Variants in TSR1 observed in about 807,000 individuals in gnomAD.
TSR1 encodes the protein pre-rRNA-processing protein TSR1 homolog.
Under a neutral mutation model 90.9 loss-of-function variants are expected in TSR1, and 81 were observed. That is an observed-to-expected ratio of 0.89 (90% CI 0.74 to 1.07). TSR1 has a LOEUF of 1.07. Among genes scored for constraint, TSR1 ranks in the 50% least tolerant of loss-of-function variants. TSR1 has a pLI of 0.00. For missense variants in TSR1, 989 were observed against 987.3 expected (o/e 1.00, Z -0.02); for synonymous variants, 362 against 348.8 (o/e 1.04, Z -0.42).
At chr17:2,331,602 T>C (rs1425738689) in intron 8 of TSR1, among the ~76,000 whole-genome samples, 1 of 152,196 alleles carries the variant, frequency 6.6e-6, no homozygotes, top group Non-Finnish European at 1.5e-5. Flanking sequence ...GTAAGTTTCT[T>C]GAGGACACCC....
chr17:2,324,257 T>G lies in TSR1; in HGVS notation c.2354A>C (p.Glu785Ala). 6.5e-7 allele frequency: 1 copy of G among 1,545,552 alleles called. No homozygotes were observed. The highest frequency in any genetic ancestry group is 8.7e-7 in the Non-Finnish European group (1 of 1,151,820). Residue 785 changes from glutamate to alanine, a missense_variant, in exon 15 of 15, where the codon GAA (glutamate) becomes GCA (alanine). Coordinates refer to ENST00000301364, the MANE Select transcript of TSR1 (RefSeq NM_018128.5). ...PKWTYDPYVP[E>A]PVPWLKSEIS... ...CTCACTTTTCAGCCAGGGTACTGGT[T>G]CTGGTACATATGGATCATAAGTCCA...
At chr17:2,325,161 T>C (rs757025191) in intron 12 of TSR1, 143 bp downstream of exon 12, 5 of 677,330 alleles carry the variant, frequency 7.4e-6, no homozygotes, top group Non-Finnish European at 1.2e-5. Flanking sequence ...CTATTAACAA[T>C]GTTAAATGAA....
At position 2,325,392 on chromosome 17, in the gene TSR1, C is replaced by T. The variant is rs552483770; in HGVS notation, c.1932G>A (p.Leu644=). Residue 644 remains leucine, a synonymous_variant, in exon 12 of 15, where the codon CTG becomes CTA. Coordinates refer to ENST00000301364, the MANE Select transcript of TSR1 (RefSeq NM_018128.5). Reference sequence around the variant, plus strand: ...TCGCCACCAGGGCCATGTCAGCAGTCAGGAATCTCTGCAATTTATGTTTGT... The same window carrying T: ...TCGCCACCAGGGCCATGTCAGCAGTTAGGAATCTCTGCAATTTATGTTTGT... ...AADKHKLQRF[L]TADMALVATV... is the part of the protein sequence containing the mutation. The T allele has an allele frequency of 2.5e-6, 4 of 1,612,830 alleles. No homozygotes were observed. The South Asian group carries it at 3.3e-5, about 13-fold the overall frequency.
chr17:2,324,072 C>T lies in TSR1; in HGVS notation c.*124G>A, dbSNP rs866264166. The T allele has an allele frequency of 4.4e-6, 6 of 1,370,396 alleles. No individual in the cohort carries two copies. In the South Asian group the frequency reaches 8.8e-5, roughly 20 times the overall value. 84.9% of individuals were successfully genotyped at this position (1,370,396 alleles called of 1,614,324 possible). A position where few individuals can be genotyped will look rare whatever the true frequency, so the allele number is the denominator to read the frequency against. On this transcript the variant is annotated 3_prime_UTR_variant, in exon 15 of 15. Coordinates refer to ENST00000301364, the MANE Select transcript of TSR1 (RefSeq NM_018128.5). The stretch of plus-strand genomic sequence containing the variant: ...CATTTTGTCAAGGCTAAAAAAAAGT[C>T]TTGCAAAATGGGGCAGTGGACTGAC...
At chr17:2,325,266 G>A in intron 12 of TSR1, 38 bp downstream of exon 12, 2 of 1,455,000 alleles carry the variant, frequency 1.4e-6, no homozygotes, top group South Asian at 1.2e-5. Context: ...ATCTATTAAG[G>A]ACCTGCAGGG....
rs973723049 is a variant in TSR1 at position 2,335,307 on chromosome 17, C to A, written c.509G>T (p.Gly170Val). ...LDPLEGWDST[G>V]DYCLSCLFAQ... is the part of the protein sequence containing the mutation. ...AAAGAGGCAGGAAAGACAGTAATCA[C>A]CGGTGCTGTCCCAGCCTTCTAGTGG... The change falls in exon 4 of 15, where the codon GGT (glycine) becomes GTT (valine). Residue 170 changes from glycine (G) to valine (V), a missense_variant. By Grantham distance (109) the Gly-to-Val change is moderately radical. Coordinates refer to ENST00000301364, the MANE Select transcript of TSR1 (RefSeq NM_018128.5). 1 of 1,614,086 alleles carries A rather than the reference C, an allele frequency of 6.2e-7. No homozygotes were observed. Among genetic ancestry groups the A allele is most frequent in the Non-Finnish European group, 8.5e-7 (1 of 1,180,028 alleles).
chr17:2,329,249 A>G, intron 11 of TSR1, 94 bp downstream of exon 11: 1 of 1,567,584 alleles, frequency 6.4e-7, no homozygotes, highest in Non-Finnish European at 8.8e-7. Context: ...CCAGAGATGT[A>G]AGATTTTGAA....
Position 2,333,139 on chromosome 17 carries a change from AC to A in TSR1, c.1142-16del. On this transcript the variant is annotated splice_polypyrimidine_tract_variant and intron_variant, in intron 6 of 14. Transcript: ENST00000301364. ...CTTCAAGAAATCTGTAAAAGCCCAA[AC>A]AAATTAAGTAAATTACAGACTTCTT... The A allele has an allele frequency of 6.2e-7, 1 of 1,612,682 alleles. No homozygotes were observed. Among genetic ancestry groups the A allele is most frequent in the Admixed American group, 1.7e-5 (1 of 59,840 alleles).
chr17:2,333,380 T>C (rs2151441619), intron 6 of TSR1, 177 bp downstream of exon 6: 1 of 925,118 alleles, frequency 1.1e-6, no homozygotes, highest in Non-Finnish European at 1.7e-6. Context: ...TTTTGAGAAA[T>C]GGAACAAGAC....
Position 2,324,670 on chromosome 17 carries a change from C to T in TSR1, c.2161+19G>A. 6.2e-7 allele frequency: 1 copy of T among 1,614,056 alleles called. No homozygotes were observed. Among genetic ancestry groups the T allele is most frequent in the Non-Finnish European group, 8.5e-7 (1 of 1,180,012 alleles). On this transcript the variant is annotated intron_variant, in intron 13 of 14. Transcript: ENST00000301364. Reference sequence around the variant, plus strand: ...TACCACAAAGGCAATCAGATCCCATCCTCCTCCTTCATACCCACCTCTGTT... The same window carrying T: ...TACCACAAAGGCAATCAGATCCCATTCTCCTCCTTCATACCCACCTCTGTT...
At chr17:2,335,423 G>A (rs1244941707) in intron 3 of TSR1, 29 bp from the exon 4 acceptor site, 2 of 1,606,252 alleles carry the variant, frequency 1.2e-6, no homozygotes, top group Non-Finnish European at 1.7e-6. Flanking sequence ...GTAAGAAGAG[G>A]TGGTTGGCAC....
intron 7 of TSR1, 110 bp downstream of exon 7, chr17:2,332,851 A>C: frequency 8.6e-7 from 1 of 1,160,620 alleles, no homozygotes; most frequent in Non-Finnish European, 1.2e-6. Context: ...AAAAAAAATA[A>C]AAAAAATAAA....
chr17:2,329,480 G>A lies in TSR1; in HGVS notation c.1771-5C>T, dbSNP rs774202633. The A allele has an allele frequency of 3.1e-6, 5 of 1,613,022 alleles. No individual in the cohort carries two copies. The Admixed American group carries it at 8.4e-5, about 27-fold the overall frequency. On this transcript the variant is annotated splice_region_variant and splice_polypyrimidine_tract_variant and intron_variant, in intron 10 of 14. Coordinates refer to ENST00000301364, the MANE Select transcript of TSR1 (RefSeq NM_018128.5). Reference sequence around the variant, plus strand: ...CACCATATTCAATACTGACATCTGGGGACCAAGTAAGAAAAACAAAAATCT... The same window carrying A: ...CACCATATTCAATACTGACATCTGGAGACCAAGTAAGAAAAACAAAAATCT...
At position 2,324,164 on chromosome 17, in the gene TSR1, G is replaced by A; in HGVS notation, c.*32C>T. ...GCCTCCCATCCCTGGAGTACTGACT[G>A]GCACCGGTAAGACAGAATCTCTTTG... On this transcript the variant is annotated 3_prime_UTR_variant, in exon 15 of 15. Coordinates refer to ENST00000301364, the MANE Select transcript of TSR1 (RefSeq NM_018128.5). The A allele has an allele frequency of 1.3e-6, 2 of 1,511,514 alleles. No homozygotes were observed. Among genetic ancestry groups the A allele is most frequent in the South Asian group, 1.4e-5 (1 of 71,516 alleles). 93.6% of individuals were successfully genotyped at this position (1,511,514 alleles called of 1,614,324 possible). A position where few individuals can be genotyped will look rare whatever the true frequency, so the allele number is the denominator to read the frequency against.
chr17:2,336,447 G>A lies in TSR1; in HGVS notation c.-20C>T. 7 of 1,606,052 alleles carry A rather than the reference G, an allele frequency of 4.4e-6. No homozygotes were observed. Among genetic ancestry groups the A allele is most frequent in the African/African-American group, 1.3e-5 (1 of 74,964 alleles). On this transcript the variant is annotated 5_prime_UTR_variant, in exon 1 of 15. Coordinates refer to ENST00000301364, the MANE Select transcript of TSR1 (RefSeq NM_018128.5). ...CGCCATGCCGCAGCGCGCGTGTACG[G>A]AGTCAGCACTGCTTCCGGGCCAGGA... is the stretch of plus-strand genomic sequence containing the variant.
In TSR1 at chr17:2,325,291, T is replaced by G; in HGVS notation, c.2020+13A>C. Reference sequence around the variant, plus strand: ...GACCTGCAGGGTCTGTTCATCTCTGTGGCTCAACTTACCATTGCTTTTTTG... The same window carrying G: ...GACCTGCAGGGTCTGTTCATCTCTGGGGCTCAACTTACCATTGCTTTTTTG... On this transcript the variant is annotated intron_variant, in intron 12 of 14. Coordinates refer to ENST00000301364, the MANE Select transcript of TSR1 (RefSeq NM_018128.5). The G allele has an allele frequency of 6.3e-7, 1 of 1,597,176 alleles. No individual in the cohort carries two copies. Among genetic ancestry groups the G allele is most frequent in the Non-Finnish European group, 8.6e-7 (1 of 1,168,842 alleles).
At position 2,330,604 on chromosome 17, in the gene TSR1, G is replaced by C. The variant is rs2075599192; in HGVS notation, c.1681C>G (p.His561Asp). 1.2e-6 allele frequency: 2 copies of C among 1,613,730 alleles called. No individual in the cohort carries two copies. The highest frequency in any genetic ancestry group is 1.3e-5 in the African/African-American group (1 of 74,846). Reference sequence around the variant, plus strand: ...ACTGAGACGGGGACTTCAGAGACATGAAGTGTGACATACCAGCCAACCTGC... The same window carrying C: ...ACTGAGACGGGGACTTCAGAGACATCAAGTGTGACATACCAGCCAACCTGC... The part of the protein sequence containing the change: ...GAEVGWYVTL[H>D]VSEVPVSVVE... Residue 561 changes from histidine to aspartate, a missense_variant, in exon 10 of 15, where the codon CAT (histidine) becomes GAT (aspartate). Coordinates refer to ENST00000301364, the MANE Select transcript of TSR1 (RefSeq NM_018128.5).
Position 2,334,572 on chromosome 17 carries a change from T to A in TSR1, c.881A>T (p.Tyr294Phe). Residue 294 changes from tyrosine (Y) to phenylalanine (F), a missense_variant, in exon 5 of 15, where the codon TAT (tyrosine) becomes TTT (phenylalanine). By Grantham distance (22) the Tyr-to-Phe change is conservative (BLOSUM62 3). Transcript: ENST00000301364. ...NVNRLLHIVG[Y>F]GDFQMKQIDA... ...TATCTGTTTCATCTGGAAATCACCA[T>A]ATCCAACGATATGCAGCAACCTATT... The A allele has an allele frequency of 6.2e-7, 1 of 1,614,178 alleles. No individual in the cohort carries two copies. The highest frequency in any genetic ancestry group is 8.5e-7 in the Non-Finnish European group (1 of 1,180,038).
chr17:2,323,438 AC>A lies in TSR1; in HGVS notation c.*757del. ...TAGGAGTAGCAAGTGACCCACGGGA[AC>A]CTGACTAGGTAACTTCATGACATGG... On this transcript the variant is annotated 3_prime_UTR_variant, in exon 15 of 15. Coordinates refer to ENST00000301364, the MANE Select transcript of TSR1 (RefSeq NM_018128.5). The A allele has an allele frequency of 1.4e-6, 2 of 1,441,100 alleles. No homozygotes were observed. Among genetic ancestry groups the A allele is most frequent in the Non-Finnish European group, 1.9e-6 (2 of 1,037,318 alleles). 89.3% of individuals were successfully genotyped at this position (1,441,100 alleles called of 1,614,324 possible). A position where few individuals can be genotyped will look rare whatever the true frequency, so the allele number is the denominator to read the frequency against.
Sources: gnomAD v4.1 joint callset for allele counts (sites outside exome capture counted in the v4.1 genomes callset) on GRCh38, gnomAD v4.1.1 for gene constraint, MANE v1.5 for transcripts, NCBI Gene and HGNC (gene_info 2026-07-23, HGNC 2026-07-21) for gene names.